GRIN2A: variants seen among roughly 807,000 people sequenced by gnomAD.
The protein encoded by GRIN2A is glutamate ionotropic receptor NMDA type subunit 2A.
GRIN2A carries 22 observed loss-of-function variants against 113.4 expected under a neutral mutation model. The ratio of observed to expected loss-of-function variants is 0.19; its 90% confidence interval spans 0.14 to 0.28. GRIN2A has a LOEUF of 0.28. GRIN2A is among the 10% of genes least tolerant of loss of function. GRIN2A has a pLI of 1.00. For synonymous variants in GRIN2A, 827 were observed against 738.4 expected (o/e 1.12, Z -1.94); for missense variants, 1,502 against 1,887.0 (o/e 0.80, Z 3.78).
intron 4 of GRIN2A, among the ~76,000 whole-genome samples, chr16:9,873,880 AC>A (rs1478302793): frequency 6.6e-6 from 1 of 152,188 alleles, no homozygotes; most frequent in Admixed American, 6.5e-5. Flanking sequence ...AATCTGCTGG[AC>A]CACATAGAGG....
At chr16:9,980,197 C>G (rs2045864032) in intron 2 of GRIN2A, among the ~76,000 whole-genome samples, 1 of 150,828 alleles carries the variant, frequency 6.6e-6, no homozygotes, top group African/African-American at 2.4e-5. Context: ...TGCTTGAACC[C>G]AAGAGGCAGA....
intron 2 of GRIN2A, among the ~76,000 whole-genome samples, chr16:10,128,834 T>G (rs1232563755): frequency 6.6e-6 from 1 of 152,184 alleles, no homozygotes; most frequent in Non-Finnish European, 1.5e-5. Context: ...AAAAGTTTCT[T>G]AGGAGCATAA....
chr16:9,946,437 A>G, intron 2 of GRIN2A, among the ~76,000 whole-genome samples: 1 of 152,178 alleles, frequency 6.6e-6, no homozygotes, highest in East Asian at 1.9e-4. Context: ...TGCAAGTCCC[A>G]ACTGTGACTG....
chr16:10,111,834 G>A (rs34393853), intron 2 of GRIN2A: 2 of 1,189,610 alleles, frequency 1.7e-6, no homozygotes, highest in South Asian at 1.2e-5. Flanking sequence ...GCACCATGGG[G>A]AGCAAGTTGG....
intron 7 of GRIN2A, 56 bp downstream of exon 7, chr16:9,840,591 C>G (rs2042656047): frequency 6.5e-7 from 1 of 1,532,716 alleles, no homozygotes; most frequent in Non-Finnish European, 9.0e-7. Context: ...TCTGAGCAAA[C>G]AAGATTTCCT....
intron 2 of GRIN2A, among the ~76,000 whole-genome samples, chr16:9,964,179 C>A (rs999767388): frequency 2.0e-5 from 3 of 152,206 alleles, no homozygotes; most frequent in South Asian, 2.1e-4. Context: ...AAAGGCACTG[C>A]CGCATGGACT....
At chr16:9,876,054 C>A (rs1276348571) in intron 4 of GRIN2A, among the ~76,000 whole-genome samples, 1 of 152,138 alleles carries the variant, frequency 6.6e-6, no homozygotes, top group Non-Finnish European at 1.5e-5. Flanking sequence ...TCTAAACCCC[C>A]TCATGGCCTT....
At chr16:9,897,220 T>TATATGTACATATTTTATATATA (rs1555449875) in intron 3 of GRIN2A, among the ~76,000 whole-genome samples, 1 of 81,384 alleles carries the variant, frequency 1.2e-5, no homozygotes, top group African/African-American at 7.1e-5. Flanking sequence ...TTTATATATA[T>TATATGTACATATTTTATATATA]AAAAAAATAC....
chr16:10,103,517 G>C lies in GRIN2A; in HGVS notation c.414+76481C>G, dbSNP rs2048439147. On this transcript the variant is annotated intron_variant, in intron 2 of 12. Transcript: ENST00000330684. ...CCCCAAAATATTTCATCTTCTTGAA[G>C]TTTTATGGCTATGGCTCTTGAGTGT... Among the ~76,000 whole-genome samples the C allele has an allele frequency of 2.6e-5, 4 of 152,200 alleles. No homozygotes were observed. The South Asian group carries it at 8.3e-4, about 32-fold the overall frequency.
At chr16:9,777,850 G>A (rs1901697371) in intron 11 of GRIN2A, among the ~76,000 whole-genome samples, 1 of 152,172 alleles carries the variant, frequency 6.6e-6, no homozygotes, top group Non-Finnish European at 1.5e-5. Context: ...GATCACCTGG[G>A]GTCAGGAGTT....
intron 3 of GRIN2A, among the ~76,000 whole-genome samples, chr16:9,924,407 T>C (rs1315699693): frequency 6.6e-6 from 1 of 152,218 alleles, no homozygotes; most frequent in Admixed American, 6.5e-5. Flanking sequence ...TGCATTCTTT[T>C]CTAACCTGTA....
At chr16:10,060,198 T>A (rs563962190) in intron 2 of GRIN2A, among the ~76,000 whole-genome samples, 2 of 152,040 alleles carry the variant, frequency 1.3e-5, no homozygotes, top group African/African-American at 4.8e-5. Context: ...GAGAAAGGAT[T>A]GAGAACAATC....
chr16:9,848,182 T>C lies in GRIN2A; in HGVS notation c.1328+1574A>G, dbSNP rs1439057843. 6.7e-5 allele frequency among the ~76,000 whole-genome samples: 10 copies of C among 149,550 alleles called. No individual in the cohort carries two copies. In the Admixed American group the frequency reaches 6.7e-4, roughly 10 times the overall value. On this transcript the variant is annotated intron_variant, in intron 5 of 12. Coordinates refer to ENST00000330684, the MANE Select transcript of GRIN2A (RefSeq NM_001134407.3). ...TATATGTTTTATATATCTCAATATATAAAAATGTATAATGTTTATATATTT... is the reference window on the plus strand; with the variant it reads ...TATATGTTTTATATATCTCAATATACAAAAATGTATAATGTTTATATATTT...
intron 10 of GRIN2A, 50 bp from the exon 11 acceptor site, chr16:9,798,514 C>T (rs575607828): frequency 1.0e-5 from 15 of 1,449,298 alleles, no homozygotes; most frequent in East Asian, 4.5e-5. Context: ...GGTACCACCT[C>T]GGGGTCCAGC....
chr16:10,142,246 T>C (rs2049342130), intron 2 of GRIN2A, among the ~76,000 whole-genome samples: 1 of 151,712 alleles, frequency 6.6e-6, no homozygotes, highest in Non-Finnish European at 1.5e-5. Flanking sequence ...ACACACACAC[T>C]CAAAAAACCC....
intron 2 of GRIN2A, among the ~76,000 whole-genome samples, chr16:10,133,595 G>A (rs1222324670): frequency 6.6e-6 from 1 of 152,104 alleles, no homozygotes; most frequent in Non-Finnish European, 1.5e-5. Context: ...TTGACAGAGT[G>A]AGATTCAGTC....
chr16:9,756,476 A>G lies in GRIN2A; in HGVS notation c.*6673T>C, dbSNP rs1011027289. ...TCAAGGGTATATGCCCAGGAACCTC[A>G]AAAGAGCACACCTCTCTTTCTGACT... is the stretch of plus-strand genomic sequence containing the variant. On this transcript the variant is annotated 3_prime_UTR_variant, in exon 13 of 13. Coordinates refer to ENST00000330684, the MANE Select transcript of GRIN2A (RefSeq NM_001134407.3). The G allele has an allele frequency of 4.4e-6, 1 of 226,508 alleles. No homozygotes were observed. The highest frequency in any genetic ancestry group is 5.7e-5 in the Admixed American group (1 of 17,542). 14.0% of individuals were successfully genotyped at this position (226,508 alleles called of 1,614,324 possible).
intron 4 of GRIN2A, among the ~76,000 whole-genome samples, chr16:9,871,338 A>G (rs139469762): frequency 3.0e-4 from 46 of 151,652 alleles, no homozygotes; most frequent in African/African-American, 1.0e-3. Flanking sequence ...GACTTAAAGG[A>G]CTCCTTGAAG....
intron 2 of GRIN2A, among the ~76,000 whole-genome samples, chr16:10,170,779 A>C (rs529596706): frequency 6.6e-6 from 1 of 152,056 alleles, no homozygotes; most frequent in South Asian, 2.1e-4. Flanking sequence ...TGGGAGGCTG[A>C]GATGAGAGGA....
Sources: allele counts gnomAD v4.1 joint callset (sites outside exome capture counted in the v4.1 genomes callset), GRCh38; gene constraint gnomAD v4.1.1; transcripts MANE v1.5; gene names NCBI Gene and HGNC (gene_info 2026-07-23, HGNC 2026-07-21).